The following SETD3 variants were observed in gnomAD, a reference collection of about 807,000 sequenced individuals.
SETD3 encodes actin-histidine N-methyltransferase.
A neutral mutation model predicts 63.0 loss-of-function variants in SETD3; 19 were observed. The observed-to-expected ratio is 0.30, with a 90% CI of 0.21 to 0.44. The LOEUF (loss-of-function observed/expected upper bound fraction) is 0.44. Among genes scored for constraint, SETD3 ranks in the 20% least tolerant of loss-of-function variants. The probability of loss-of-function intolerance (pLI) is 1.00; values close to 1 mark genes in which losing one functional copy is unlikely to be tolerated. For missense variants in SETD3, 587 were observed against 728.5 expected, an observed-to-expected ratio of 0.81 and a Z score of 2.24; for synonymous variants, 286 against 264.1, an observed-to-expected ratio of 1.08 and a Z score of -0.80.
upstream of SETD3, chr14:99,481,200 G>A (rs1896298493): frequency 5.1e-6 from 2 of 390,916 alleles, no homozygotes; most frequent in Non-Finnish European, 9.0e-6. Flanking sequence ...CGCCCCGAGG[G>A]GCGGGACCGA....
chr14:99,470,808 A>G (rs1895659740), intron 1 of SETD3, among the ~76,000 whole-genome samples: 1 of 152,148 alleles, frequency 6.6e-6, no homozygotes, highest in South Asian at 2.1e-4. Context: ...GGACACCCCT[A>G]ACTCAAAGCA....
At chr14:99,471,170 T>TATATTACCCATAGG (rs1410542638) in intron 1 of SETD3, among the ~76,000 whole-genome samples, 1 of 152,200 alleles carries the variant, frequency 6.6e-6, no homozygotes, top group Non-Finnish European at 1.5e-5. Flanking sequence ...CTTCCATCTC[T>TATATTACCCATAGG]ATATTACCCA....
In SETD3 at chr14:99,400,099, C is replaced by T. The variant is rs762743362; in HGVS notation, c.1338G>A (p.Glu446=). The T allele has an allele frequency of 1.9e-6, 3 of 1,606,780 alleles. No individual in the cohort carries two copies. In the South Asian group the frequency reaches 3.3e-5, roughly 18 times the overall value. Residue 446 remains glutamate (E), a splice_region_variant and synonymous_variant, in exon 12 of 13, where the codon GAG becomes GAA. Transcript: ENST00000331768. Reference sequence around the variant, plus strand: ...AACCTCATTTATTTAGTGTAATTACCTCAATAGTTGTTTTATATGTTTTTA... The same window carrying T: ...AACCTCATTTATTTAGTGTAATTACTTCAATAGTTGTTTTATATGTTTTTA... ...LLLKTYKTTI[E]EDKSVLKNHD...
intron 6 of SETD3, among the ~76,000 whole-genome samples, chr14:99,457,566 G>A (rs1894829909): frequency 6.6e-6 from 1 of 152,194 alleles, no homozygotes; most frequent in Non-Finnish European, 1.5e-5. Context: ...CTGCCCACTT[G>A]TCGTATCTCA....
intron 6 of SETD3, among the ~76,000 whole-genome samples, chr14:99,450,136 C>T (rs532158069): frequency 6.6e-6 from 1 of 152,296 alleles, no homozygotes; most frequent in South Asian, 2.1e-4. Flanking sequence ...CCTTACAGTG[C>T]TAAAGGACAC....
chr14:99,409,489 C>G (rs981028235), intron 8 of SETD3, among the ~76,000 whole-genome samples: 2 of 152,150 alleles, frequency 1.3e-5, no homozygotes, highest in Admixed American at 1.3e-4. Context: ...AAAGCCACCA[C>G]CTGCCTGCAG....
intron 6 of SETD3, among the ~76,000 whole-genome samples, chr14:99,452,505 T>C (rs550208044): frequency 3.9e-5 from 6 of 152,324 alleles, no homozygotes; most frequent in Non-Finnish European, 7.3e-5. Context: ...GGAAATCTGC[T>C]GGGAGGACAG....
chr14:99,408,496 A>G (rs1460383027), intron 8 of SETD3, among the ~76,000 whole-genome samples: 1 of 152,040 alleles, frequency 6.6e-6, no homozygotes, highest in African/African-American at 2.4e-5. Flanking sequence ...GGGTGCTGGC[A>G]GTACAGGTAC....
intron 6 of SETD3, among the ~76,000 whole-genome samples, chr14:99,437,637 G>A (rs560704978): frequency 3.3e-5 from 5 of 152,142 alleles, no homozygotes; most frequent in African/African-American, 9.7e-5. Context: ...GTGTGTGACC[G>A]TGTGACTGTG....
At chr14:99,471,344 TCTA>T in intron 1 of SETD3, among the ~76,000 whole-genome samples, 1 of 152,364 alleles carries the variant, frequency 6.6e-6, no homozygotes, top group Middle Eastern at 3.4e-3. Context: ...AATATTTAAT[TCTA>T]CTAATGAACT....
chr14:99,461,922 A>C (rs1322089845), intron 3 of SETD3, among the ~76,000 whole-genome samples: 1 of 152,248 alleles, frequency 6.6e-6, no homozygotes, highest in African/African-American at 2.4e-5. Context: ...GCTTTTAAAA[A>C]ATCACGTAAT....
In SETD3 at chr14:99,398,809, A is replaced by C; in HGVS notation, c.1655T>G (p.Leu552Arg). ...AGGGATAGAGTTTTCACCGTTTACA[A>C]GCCCGTTTTCTGTGGCCTTTGCTTT... ...ISKAKATENG[L>R]VNGENSIPNG... is the part of the protein sequence containing the mutation. Residue 552 changes from leucine (L) to arginine (R), a missense_variant, in exon 13 of 13, where the codon CTT becomes CGT. Coordinates refer to ENST00000331768, the MANE Select transcript of SETD3 (RefSeq NM_032233.3). 1 of 1,614,192 alleles carries C rather than the reference A, an allele frequency of 6.2e-7. No individual in the cohort carries two copies. The highest frequency in any genetic ancestry group is 8.5e-7 in the Non-Finnish European group (1 of 1,180,048).
intron 6 of SETD3, among the ~76,000 whole-genome samples, chr14:99,435,744 C>CTTTT (rs60698845): frequency 7.6e-6 from 1 of 130,864 alleles, no homozygotes; most frequent in East Asian, 2.3e-4. Flanking sequence ...ACCCCCCCAC[C>CTTTT]TTTTTTTTTT....
intron 5 of SETD3, 81 bp downstream of exon 5, chr14:99,459,029 GTAT>G (rs1375046919): frequency 1.4e-5 from 14 of 979,016 alleles, no homozygotes; most frequent in Non-Finnish European, 2.0e-5. Flanking sequence ...GAAAAACCAA[GTAT>G]TATCCTTAGT....
chr14:99,482,931 AT>A (rs1436704635), upstream of SETD3, among the ~76,000 whole-genome samples: 3 of 152,234 alleles, frequency 2.0e-5, no homozygotes, highest in South Asian at 2.1e-4. Flanking sequence ...GGACAAAAAA[AT>A]CTAGAGGAAT....
At chr14:99,453,781 A>G (rs1385912462) in intron 6 of SETD3, among the ~76,000 whole-genome samples, 1 of 151,908 alleles carries the variant, frequency 6.6e-6, no homozygotes, top group Non-Finnish European at 1.5e-5. Context: ...AGCCGAGATC[A>G]TGCCACCGCA....
chr14:99,420,831 C>A (rs143880322), intron 6 of SETD3, among the ~76,000 whole-genome samples: 1 of 149,702 alleles, frequency 6.7e-6, no homozygotes, highest in East Asian at 2.0e-4. Context: ...CAACTCACCC[C>A]GAACATGTAG....
chr14:99,443,824 A>C (rs1471638931), intron 6 of SETD3, among the ~76,000 whole-genome samples: 1 of 152,166 alleles, frequency 6.6e-6, no homozygotes, highest in Non-Finnish European at 1.5e-5. Context: ...CAATATAAGG[A>C]ATGGCTTTCT....
chr14:99,410,954 A>C (rs368182463), intron 8 of SETD3, among the ~76,000 whole-genome samples: 1 of 152,228 alleles, frequency 6.6e-6, no homozygotes, highest in Non-Finnish European at 1.5e-5. Context: ...ACACACAAAA[A>C]AGAAAATCTC....
Sources: allele counts gnomAD v4.1 joint callset (sites outside exome capture counted in the v4.1 genomes callset), GRCh38; gene constraint gnomAD v4.1.1; transcripts MANE v1.5; gene names NCBI Gene and HGNC (gene_info 2026-07-23, HGNC 2026-07-21).